The following PUS10 variants were observed in gnomAD, a reference collection of about 807,000 sequenced individuals.
PUS10 encodes the protein pseudouridine synthase 10.
PUS10 carries 59 observed loss-of-function variants against 75.0 expected under a neutral mutation model. The ratio of observed to expected loss-of-function variants is 0.79; its 90% confidence interval spans 0.64 to 0.98. PUS10 has a LOEUF of 0.98. Among genes scored for constraint, PUS10 ranks in the 50% least tolerant of loss-of-function variants. PUS10 has a pLI of 0.00. For missense variants in PUS10, 650 were observed against 614.4 expected (o/e 1.06, Z -0.61); for synonymous variants, 219 against 211.6 (o/e 1.03, Z -0.30).
intron 6 of PUS10, chr2:60,967,003 G>A (rs1676377921): frequency 1.3e-5 from 2 of 152,926 alleles, no homozygotes; most frequent in African/African-American, 4.8e-5. Flanking sequence ...AAAGGGAAAT[G>A]TTCTGTTTTC....
chr2:60,974,211 CTTTTTTTTTTTT>C (rs35241132), intron 4 of PUS10, among the ~76,000 whole-genome samples: 3 of 96,068 alleles, frequency 3.1e-5, no homozygotes, highest in Admixed American at 1.2e-4. Context: ...GATAAAGCTC[CTTTTTTTTTTTT>C]TTTTTTTTTT....
At position 60,942,394 on chromosome 2, in the gene PUS10, G is replaced by A. The variant is rs762411289; in HGVS notation, c.*1C>T. The A allele has an allele frequency of 6.2e-7, 1 of 1,613,178 alleles. No homozygotes were observed. Among genetic ancestry groups the A allele is most frequent in the East Asian group, 2.2e-5 (1 of 44,870 alleles). On this transcript the variant is annotated 3_prime_UTR_variant, in exon 18 of 18. Coordinates refer to ENST00000316752, the MANE Select transcript of PUS10 (RefSeq NM_144709.4). Reference sequence around the variant, plus strand: ...ATACTCTTTGTCTCCAAATTTGAAAGCTAGTCATCCAGAGCAGGTGGCCAG... The same window carrying A: ...ATACTCTTTGTCTCCAAATTTGAAAACTAGTCATCCAGAGCAGGTGGCCAG...
intron 4 of PUS10, among the ~76,000 whole-genome samples, chr2:60,983,193 C>T (rs1171849872): frequency 6.6e-6 from 1 of 151,860 alleles, no homozygotes; most frequent in Non-Finnish European, 1.5e-5. Flanking sequence ...ACACCCAGCC[C>T]TTAAGTCTAA....
intron 2 of PUS10, chr2:61,010,795 A>T: frequency 6.5e-7 from 1 of 1,550,252 alleles, no homozygotes. Context: ...TAGGTTTTGA[A>T]TTCAGTCAGA....
Position 60,985,938 on chromosome 2 carries a change from CAAAA to C in PUS10, c.469-14385_469-14382del, listed in dbSNP as rs59173202. 7.3e-5 allele frequency among the ~76,000 whole-genome samples: 6 copies of C among 82,142 alleles called. 1 individual carries two copies. The Middle Eastern group carries it at 0.021, about 281-fold the overall frequency. 53.9% of individuals were successfully genotyped at this position (82,142 alleles called of 152,430 possible). A position where few individuals can be genotyped will look rare whatever the true frequency, so the allele number is the denominator to read the frequency against. ...TGTTATAGGAGAAACCAGACTTCAC[CAAAA>C]AAAAAAAAAAAAAAAAAAAAGTTAC... On this transcript the variant is annotated intron_variant, in intron 4 of 17. Coordinates refer to ENST00000316752, the MANE Select transcript of PUS10 (RefSeq NM_144709.4).
chr2:60,954,917 C>T, intron 12 of PUS10, 101 bp downstream of exon 12: 1 of 721,594 alleles, frequency 1.4e-6, no homozygotes, highest in Non-Finnish European at 2.2e-6. Context: ...CTGGGCCTTG[C>T]TCACTTTGTT....
At chr2:60,996,895 A>T (rs1261508490) in intron 4 of PUS10, among the ~76,000 whole-genome samples, 2 of 152,258 alleles carry the variant, frequency 1.3e-5, no homozygotes, top group Admixed American at 1.3e-4. Flanking sequence ...TCAATCAGAC[A>T]TTCCCAATAG....
rs192092122 is a variant in PUS10 at position 60,942,327 on chromosome 2, C to T, written c.*68G>A. 145 of 1,291,104 alleles carry T rather than the reference C, an allele frequency of 1.1e-4. 1 individual carries two copies. The Admixed American group carries it at 1.2e-3, about 11-fold the overall frequency. The allele number at this position is 1,291,104 out of a possible 1,614,324, so 80.0% of individuals were successfully genotyped here. A position where few individuals can be genotyped will look rare whatever the true frequency, so the allele number is the denominator to read the frequency against. On this transcript the variant is annotated 3_prime_UTR_variant, in exon 18 of 18. Coordinates refer to ENST00000316752, the MANE Select transcript of PUS10 (RefSeq NM_144709.4). ...TTATGGTGGGTAAACAGCCATTTTA[C>T]GGCATGTGCTCCATGGATGTCCACA...
At chr2:60,971,657 A>G in intron 4 of PUS10, 100 bp from the exon 5 acceptor site, 1 of 1,083,816 alleles carries the variant, frequency 9.2e-7, no homozygotes. Context: ...CTATTTGCTA[A>G]TCAAACTCCC....
intron 12 of PUS10, 51 bp downstream of exon 12, chr2:60,954,967 G>T: frequency 1.6e-6 from 2 of 1,234,048 alleles, no homozygotes; most frequent in Non-Finnish European, 2.3e-6. Context: ...GTCTAGAAAG[G>T]ATGATAATCA....
chr2:61,002,550 T>C (rs1256652735), intron 4 of PUS10, among the ~76,000 whole-genome samples: 2 of 152,174 alleles, frequency 1.3e-5, no homozygotes, highest in Admixed American at 6.5e-5. Context: ...TGGGCTACAG[T>C]GATCCTCCCA....
At chr2:60,952,013 C>T (rs1675365277) in intron 15 of PUS10, among the ~76,000 whole-genome samples, 1 of 152,044 alleles carries the variant, frequency 6.6e-6, no homozygotes, top group Non-Finnish European at 1.5e-5. Flanking sequence ...TCTCTGTGCC[C>T]ATGTATGCTC....
chr2:61,002,032 A>C lies in PUS10; in HGVS notation c.468+4525T>G, dbSNP rs117045618. Among the ~76,000 whole-genome samples, 390 of 152,270 alleles carry C rather than the reference A, an allele frequency of 2.6e-3. 16 individuals carry two copies. In the East Asian group the frequency reaches 0.066, roughly 26 times the overall value. On this transcript the variant is annotated intron_variant, in intron 4 of 17. Coordinates refer to ENST00000316752, the MANE Select transcript of PUS10 (RefSeq NM_144709.4). ...AGGAATACACATTTAAAAGGCTATCAGTTTTTCATTTAGGACTAGATTAGT... is the reference window on the plus strand; with the variant it reads ...AGGAATACACATTTAAAAGGCTATCCGTTTTTCATTTAGGACTAGATTAGT...
At chr2:60,994,392 A>T (rs1197384880) in intron 4 of PUS10, among the ~76,000 whole-genome samples, 1 of 151,926 alleles carries the variant, frequency 6.6e-6, no homozygotes, top group South Asian at 2.1e-4. Context: ...AGCAAAAAAA[A>T]AAAAGGAAGT....
intron 10 of PUS10, among the ~76,000 whole-genome samples, chr2:60,960,757 T>C (rs1160693223): frequency 2.0e-5 from 3 of 149,916 alleles, no homozygotes; most frequent in Admixed American, 1.3e-4. Flanking sequence ...GAATGGTACA[T>C]CAAATGAGTT....
intron 17 of PUS10, 82 bp from the exon 18 acceptor site, chr2:60,942,515 G>A: frequency 9.2e-7 from 1 of 1,086,408 alleles, no homozygotes. Context: ...AAATTTAATA[G>A]TTTTAATATA....
At chr2:60,975,784 C>T (rs1383214315) in intron 4 of PUS10, among the ~76,000 whole-genome samples, 1 of 151,264 alleles carries the variant, frequency 6.6e-6, no homozygotes, top group Non-Finnish European at 1.5e-5. Flanking sequence ...TATTTTGAGA[C>T]AGAGTCTCAC....
At chr2:60,963,984 A>G (rs1005261669) in intron 8 of PUS10, among the ~76,000 whole-genome samples, 1 of 152,244 alleles carries the variant, frequency 6.6e-6, no homozygotes, top group Non-Finnish European at 1.5e-5. Flanking sequence ...GAGCTTCCCA[A>G]CTGGCATAGC....
chr2:60,943,036 GAAAAAAAA>G (rs1163561504), intron 17 of PUS10, among the ~76,000 whole-genome samples: 3 of 78,414 alleles, frequency 3.8e-5, no homozygotes, highest in Admixed American at 1.3e-4. Flanking sequence ...ATCTATCTCA[GAAAAAAAA>G]AAAAAAAAAA....
Sources: allele counts gnomAD v4.1 joint callset (sites outside exome capture counted in the v4.1 genomes callset), GRCh38; gene constraint gnomAD v4.1.1; transcripts MANE v1.5; gene names NCBI Gene and HGNC (gene_info 2026-07-23, HGNC 2026-07-21).